The following RB1CC1 variants were observed in gnomAD, a reference collection of about 807,000 sequenced individuals.
The protein encoded by RB1CC1 is RB1 inducible coiled-coil 1, also known as RB1-inducible coiled-coil protein 1.
Under a neutral mutation model 177.5 loss-of-function variants are expected in RB1CC1, and 46 were observed. The observed-to-expected ratio is 0.26, with a 90% CI of 0.20 to 0.33. The LOEUF (loss-of-function observed/expected upper bound fraction) is 0.33. Ranked by LOEUF, RB1CC1 falls within the 10% of genes least tolerant of loss-of-function variation. RB1CC1 has a pLI of 1.00. For missense variants in RB1CC1, 1,703 were observed against 1,816.3 expected (o/e 0.94, Z 1.13); for synonymous variants, 666 against 613.6 (o/e 1.09, Z -1.26).
chr8:52,696,829 CCT>C (rs1475574686), intron 1 of RB1CC1, among the ~76,000 whole-genome samples: 1 of 151,992 alleles, frequency 6.6e-6, no homozygotes, highest in Non-Finnish European at 1.5e-5. Context: ...ATGGCAAAAC[CCT>C]GTCTCTACAA....
intron 1 of RB1CC1, among the ~76,000 whole-genome samples, chr8:52,689,172 C>T (rs1854579656): frequency 6.6e-6 from 1 of 152,226 alleles, no homozygotes; most frequent in Non-Finnish European, 1.5e-5. Context: ...GTTTCTAAAA[C>T]TGAGCTCTGC....
intron 18 of RB1CC1, among the ~76,000 whole-genome samples, chr8:52,637,855 G>A (rs1849268938): frequency 1.3e-5 from 2 of 152,024 alleles, no homozygotes; most frequent in African/African-American, 2.4e-5. Flanking sequence ...ATTTTTAGTA[G>A]AGACTGGGTT....
chr8:52,646,236 G>C (rs751695090), intron 15 of RB1CC1, among the ~76,000 whole-genome samples: 71 of 152,084 alleles, frequency 4.7e-4, no homozygotes, highest in Non-Finnish European at 8.5e-4. Context: ...GCCCAGGCGG[G>C]AGGATCACTT....
intron 22 of RB1CC1, among the ~76,000 whole-genome samples, chr8:52,627,588 A>C (rs2150370663): frequency 6.6e-6 from 1 of 152,344 alleles, no homozygotes; most frequent in Non-Finnish European, 1.5e-5. Flanking sequence ...TTTTTAAAAA[A>C]ATAAGTGTAT....
chr8:52,648,685 T>C (rs1308196856), intron 15 of RB1CC1, among the ~76,000 whole-genome samples: 2 of 152,212 alleles, frequency 1.3e-5, no homozygotes, highest in East Asian at 3.8e-4. Flanking sequence ...ACTGTGGTCC[T>C]AACTTTTGCA....
chr8:52,661,474 G>C, intron 9 of RB1CC1, 61 bp downstream of exon 9: 1 of 1,494,146 alleles, frequency 6.7e-7, no homozygotes, highest in South Asian at 1.3e-5. Flanking sequence ...CATCATTTGG[G>C]AGAAATAAAT....
intron 7 of RB1CC1, 149 bp from the exon 8 acceptor site, chr8:52,668,340 A>G (rs1852258351): frequency 1.2e-6 from 1 of 807,006 alleles, no homozygotes; most frequent in South Asian, 1.9e-5. Context: ...ATACTTTCAT[A>G]AGAAGGTCAA....
In RB1CC1 at chr8:52,686,856, C is replaced by A. The variant is rs1439938561; in HGVS notation, c.-55G>T. 2 of 454,160 alleles carry A rather than the reference C, an allele frequency of 4.4e-6. No homozygotes were observed. The highest frequency in any genetic ancestry group is 4.4e-6 in the Non-Finnish European group (1 of 226,322). 28.1% of individuals were successfully genotyped at this position (454,160 alleles called of 1,614,324 possible). ...ACAGGTAGAAACTGTGACTTACCGTCAGGCACTGTGAAAAGGACTACCACT... is the reference window on the plus strand; with the variant it reads ...ACAGGTAGAAACTGTGACTTACCGTAAGGCACTGTGAAAAGGACTACCACT... On this transcript the variant is annotated 5_prime_UTR_variant, in exon 2 of 24. Transcript: ENST00000025008.
At chr8:52,663,449 G>T (rs1200409701) in intron 8 of RB1CC1, among the ~76,000 whole-genome samples, 1 of 151,870 alleles carries the variant, frequency 6.6e-6, no homozygotes, top group Non-Finnish European at 1.5e-5. Flanking sequence ...CATTTGAAAT[G>T]GTCTCTATCT....
intron 18 of RB1CC1, among the ~76,000 whole-genome samples, chr8:52,637,023 TTTG>T (rs1563356176): frequency 6.7e-6 from 1 of 148,246 alleles, no homozygotes; most frequent in Non-Finnish European, 1.5e-5. Flanking sequence ...AGTGTGAGAC[TTTG>T]TTATTTTTCA....
chr8:52,679,766 C>T (rs1853525486), intron 5 of RB1CC1, among the ~76,000 whole-genome samples: 1 of 152,184 alleles, frequency 6.6e-6, no homozygotes, highest in African/African-American at 2.4e-5. Flanking sequence ...GAACTGAATC[C>T]TCCTTGTGGG....
chr8:52,653,301 C>T lies in RB1CC1; in HGVS notation c.3821+2707G>A, dbSNP rs189895548. On this transcript the variant is annotated intron_variant, in intron 15 of 23. Transcript: ENST00000025008. ...AATTCAATGAATTTAATGGGAATGACAGGCTTCTGGAGTGGCAGAGGCCAG... is the reference window on the plus strand; with the variant it reads ...AATTCAATGAATTTAATGGGAATGATAGGCTTCTGGAGTGGCAGAGGCCAG... Among the ~76,000 whole-genome samples the T allele has an allele frequency of 3.8e-3, 580 of 152,198 alleles. 3 individuals carry two copies. Among genetic ancestry groups the T allele is most frequent in the African/African-American group, 0.013 (521 of 41,524 alleles).
chr8:52,625,118 A>T (rs887529380), intron 22 of RB1CC1, among the ~76,000 whole-genome samples: 1 of 152,176 alleles, frequency 6.6e-6, no homozygotes, highest in African/African-American at 2.4e-5. Context: ...CAGTAGTGCC[A>T]TCTATTGAAA....
chr8:52,687,939 C>T (rs1389947166), intron 1 of RB1CC1, among the ~76,000 whole-genome samples: 1 of 152,224 alleles, frequency 6.6e-6, no homozygotes, highest in East Asian at 1.9e-4. Flanking sequence ...GGACCCCAAA[C>T]AGAGCGACCA....
At chr8:52,658,814 C>G in intron 13 of RB1CC1, 59 bp downstream of exon 13, 1 of 1,265,634 alleles carries the variant, frequency 7.9e-7, no homozygotes, top group Non-Finnish European at 1.1e-6. Context: ...TGGCACAACT[C>G]CAGAATAATA....
intron 18 of RB1CC1, among the ~76,000 whole-genome samples, chr8:52,641,631 C>A (rs898942507): frequency 4.6e-5 from 7 of 151,902 alleles, no homozygotes; most frequent in African/African-American, 1.5e-4. Context: ...CGAATTACTT[C>A]ATCTCACATG....
chr8:52,710,858 GTAAAACAATTAC>G (rs1208612336), intron 1 of RB1CC1, among the ~76,000 whole-genome samples: 1 of 152,068 alleles, frequency 6.6e-6, no homozygotes, highest in Non-Finnish European at 1.5e-5. Context: ...GGTATTTGCA[GTAAAACAATTAC>G]TAAAAGCCGT....
At chr8:52,712,887 C>T (rs1178902431) in intron 1 of RB1CC1, among the ~76,000 whole-genome samples, 1 of 152,152 alleles carries the variant, frequency 6.6e-6, no homozygotes, top group Non-Finnish European at 1.5e-5. Context: ...CTTATAAATC[C>T]AATAATCCAA....
intron 1 of RB1CC1, among the ~76,000 whole-genome samples, chr8:52,687,811 T>C (rs1367979071): frequency 2.6e-5 from 4 of 152,166 alleles, no homozygotes; most frequent in African/African-American, 7.2e-5. Context: ...TATAAAATAA[T>C]AGATTTATGT....
Sources: allele counts gnomAD v4.1 joint callset (sites outside exome capture counted in the v4.1 genomes callset), GRCh38; gene constraint gnomAD v4.1.1; transcripts MANE v1.5; gene names NCBI Gene and HGNC (gene_info 2026-07-23, HGNC 2026-07-21).